Variants in KAZN observed in about 807,000 individuals in gnomAD.
KAZN encodes the protein kazrin.
In KAZN, 40 loss-of-function variants were observed where a neutral mutation model predicts 87.4. The observed-to-expected ratio is 0.46, with a 90% CI of 0.36 to 0.60. KAZN has a LOEUF of 0.60. Ranked by LOEUF, KAZN falls within the 20% of genes least tolerant of loss-of-function variation. The pLI is 0.00. For synonymous variants in KAZN, 466 were observed against 458.3 expected (o/e 1.02, Z -0.22); for missense variants, 898 against 1,073.9 (o/e 0.84, Z 2.29).
At chr1:14,340,733 G>T (rs1657619469) in intron 2 of KAZN, among the ~76,000 whole-genome samples, 1 of 152,108 alleles carries the variant, frequency 6.6e-6, no homozygotes, top group Non-Finnish European at 1.5e-5. Context: ...GCCTTCATTT[G>T]CCATTTATTC....
chr1:14,770,830 A>G (rs901025830), intron 1 of KAZN, among the ~76,000 whole-genome samples: 2 of 152,200 alleles, frequency 1.3e-5, no homozygotes, highest in East Asian at 1.9e-4. Context: ...TTGTTCAGAG[A>G]TTACTAAATG....
intron 2 of KAZN, among the ~76,000 whole-genome samples, chr1:14,323,499 T>G (rs111521060): frequency 0.023 from 3,490 of 152,226 alleles, 145 homozygotes; most frequent in African/African-American, 0.079. Context: ...TGATGTGGGA[T>G]AGTCTCTATG....
chr1:14,045,138 A>G (rs754682630), intron 1 of KAZN, among the ~76,000 whole-genome samples: 2 of 152,220 alleles, frequency 1.3e-5, no homozygotes, highest in Non-Finnish European at 2.9e-5. Flanking sequence ...AGCTGAGACC[A>G]CTTGGATCAG....
At chr1:14,596,246 A>G (rs56275545), upstream of KAZN, among the ~76,000 whole-genome samples, 1,668 of 152,244 alleles carry the variant, frequency 0.011, 31 homozygotes, top group African/African-American at 0.036. Context: ...ATATAAACAG[A>G]TAAATTACTG....
chr1:14,562,925 T>C (rs1288457625), intron 2 of KAZN, among the ~76,000 whole-genome samples: 2 of 152,236 alleles, frequency 1.3e-5, no homozygotes, highest in African/African-American at 2.4e-5. Context: ...TGCGTTTAGT[T>C]AAGACAACTC....
At chr1:14,961,960 C>T (rs915799052) in intron 2 of KAZN, among the ~76,000 whole-genome samples, 2 of 152,164 alleles carry the variant, frequency 1.3e-5, no homozygotes, top group African/African-American at 4.8e-5. Flanking sequence ...GAATGGAGGG[C>T]CAGAGATTTG....
intron 2 of KAZN, among the ~76,000 whole-genome samples, chr1:14,527,974 G>A (rs1486291924): frequency 6.6e-6 from 1 of 151,986 alleles, no homozygotes; most frequent in Non-Finnish European, 1.5e-5. Flanking sequence ...GGGATAGAAG[G>A]AATAGTAGTG....
intron 2 of KAZN, among the ~76,000 whole-genome samples, chr1:14,979,379 A>C (rs1394113230): frequency 1.3e-5 from 2 of 151,968 alleles, no homozygotes; most frequent in African/African-American, 4.8e-5. Flanking sequence ...ACTGCATTCC[A>C]GCCTGGGTGG....
At chr1:14,387,421 G>A (rs1662017539) in intron 2 of KAZN, among the ~76,000 whole-genome samples, 1 of 152,160 alleles carries the variant, frequency 6.6e-6, no homozygotes, top group African/African-American at 2.4e-5. Flanking sequence ...TTTCTGCTCT[G>A]TTTTTTCCCA....
At chr1:14,027,293 C>T (rs145694071) in intron 1 of KAZN, among the ~76,000 whole-genome samples, 5 of 152,134 alleles carry the variant, frequency 3.3e-5, no homozygotes, top group Non-Finnish European at 5.9e-5. Context: ...CCATGCGATG[C>T]GCTGGCTTCC....
intron 2 of KAZN, among the ~76,000 whole-genome samples, chr1:14,961,566 G>T (rs1490233065): frequency 1.3e-5 from 2 of 152,164 alleles, no homozygotes; most frequent in African/African-American, 4.8e-5. Context: ...TTTGAGAAAG[G>T]TTGGAAGCCA....
intron 2 of KAZN, among the ~76,000 whole-genome samples, chr1:14,592,573 T>A (rs1251039368): frequency 6.6e-6 from 1 of 152,160 alleles, no homozygotes; most frequent in Non-Finnish European, 1.5e-5. Context: ...TGTCATGTGG[T>A]CTTCATCTTC....
At chr1:14,429,981 C>G (rs1398279226) in intron 2 of KAZN, among the ~76,000 whole-genome samples, 1 of 152,082 alleles carries the variant, frequency 6.6e-6, no homozygotes, top group African/African-American at 2.4e-5. Context: ...CATCCCTCTC[C>G]CGATCACTCA....
chr1:14,923,461 C>A lies in KAZN; in HGVS notation c.227-37223C>A, dbSNP rs1472888748. Among the ~76,000 whole-genome samples, 1 of 152,192 alleles carries A rather than the reference C, an allele frequency of 6.6e-6. No homozygotes were observed. Among genetic ancestry groups the A allele is most frequent in the Non-Finnish European group, 1.5e-5 (1 of 68,040 alleles). The stretch of plus-strand genomic sequence containing the variant: ...CCTTGTCACTGTTCCCCCACCCACT[C>A]CCAGGGTCCAGGCTCTGGCCTCCCC... On this transcript the variant is annotated intron_variant, in intron 1 of 14. Coordinates refer to ENST00000376030, the MANE Select transcript of KAZN (RefSeq NM_201628.3). This position sits in a 1 kb window ranked among gnomAD's most constrained non-coding sequence, Gnocchi z 4.2.
intron 11 of KAZN, among the ~76,000 whole-genome samples, chr1:15,102,027 G>A (rs923982721): frequency 3.3e-5 from 5 of 152,060 alleles, no homozygotes; most frequent in African/African-American, 4.8e-5. Context: ...TATTGGGCAC[G>A]GGCCAGGCGC....
chr1:13,904,425 T>A (rs1361197496), intron 1 of KAZN, among the ~76,000 whole-genome samples: 1 of 152,080 alleles, frequency 6.6e-6, no homozygotes, highest in East Asian at 1.9e-4. Flanking sequence ...GAGATGATCA[T>A]CCATGATCAA....
At chr1:14,364,164 G>C (rs1297314675) in intron 2 of KAZN, among the ~76,000 whole-genome samples, 1 of 152,074 alleles carries the variant, frequency 6.6e-6, no homozygotes, top group African/African-American at 2.4e-5. Flanking sequence ...CTAACTGGTT[G>C]CACATGTACC....
intron 2 of KAZN, among the ~76,000 whole-genome samples, chr1:14,206,333 C>A (rs1224585399): frequency 6.6e-6 from 1 of 152,068 alleles, no homozygotes; most frequent in Non-Finnish European, 1.5e-5. Flanking sequence ...TTATATTTCA[C>A]CTGCAGTTTT....
At chr1:14,222,452 T>C (rs573168056) in intron 2 of KAZN, among the ~76,000 whole-genome samples, 1 of 152,316 alleles carries the variant, frequency 6.6e-6, no homozygotes, top group Admixed American at 6.5e-5. Flanking sequence ...GATACCACTT[T>C]TTATAAAGGA....
Sources: gnomAD v4.1 joint callset for allele counts (sites outside exome capture counted in the v4.1 genomes callset) on GRCh38, gnomAD v4.1.1 for gene constraint, Gnocchi (gnomAD v3.1) non-coding constraint, MANE v1.5 for transcripts, NCBI Gene and HGNC (gene_info 2026-07-23, HGNC 2026-07-21) for gene names.